NR3C2: variants seen among roughly 807,000 people sequenced by gnomAD.
NR3C2 encodes nuclear receptor subfamily 3 group C member 2, also known as mineralocorticoid receptor.
In NR3C2, 15 loss-of-function variants were observed where a neutral mutation model predicts 86.4. That is an observed-to-expected ratio of 0.17 (90% CI 0.12 to 0.27). The LOEUF (loss-of-function observed/expected upper bound fraction) is 0.27. NR3C2 is among the 10% of genes least tolerant of loss of function. The probability of loss-of-function intolerance (pLI) is 1.00; values close to 1 mark genes in which losing one functional copy is unlikely to be tolerated. For synonymous variants in NR3C2, 458 were observed against 450.5 expected, an observed-to-expected ratio of 1.02 and a Z score of -0.21; for missense variants, 960 against 1,195.6, an observed-to-expected ratio of 0.80 and a Z score of 2.91.
chr4:148,412,679 T>C (rs1308316312), intron 2 of NR3C2, among the ~76,000 whole-genome samples: 1 of 152,240 alleles, frequency 6.6e-6, no homozygotes, highest in East Asian at 1.9e-4. Flanking sequence ...CAGCACATTC[T>C]AGGCTTACAT....
chr4:148,180,772 T>C (rs1735608312), intron 4 of NR3C2, among the ~76,000 whole-genome samples: 1 of 152,242 alleles, frequency 6.6e-6, no homozygotes, highest in Non-Finnish European at 1.5e-5. Flanking sequence ...TTGTTATAAA[T>C]TTTCATGGCC....
At position 148,094,086 on chromosome 4, in the gene NR3C2, G is replaced by A. The variant is rs143567783; in HGVS notation, c.2800-12587C>T. On this transcript the variant is annotated intron_variant, in intron 8 of 8. Coordinates refer to ENST00000358102, the MANE Select transcript of NR3C2 (RefSeq NM_000901.5). Reference sequence around the variant, plus strand: ...AATGTATCTTTACAAGATACAAGAAGAGATGCTTGACATCTCCAGTCATCA... The same window carrying A: ...AATGTATCTTTACAAGATACAAGAAAAGATGCTTGACATCTCCAGTCATCA... Among the ~76,000 whole-genome samples the A allele has an allele frequency of 1.4e-4, 22 of 152,216 alleles. No individual in the cohort carries two copies. The East Asian group carries it at 4.2e-3, about 29-fold the overall frequency.
At chr4:148,363,502 A>ATTTTTTTTTTTTTTTTTTTT (rs1414328296) in intron 2 of NR3C2, among the ~76,000 whole-genome samples, 2 of 16,222 alleles carry the variant, frequency 1.2e-4, no homozygotes, top group Non-Finnish European at 2.6e-4. Context: ...CTTCTCATAG[A>ATTTTTTTTTTTTTTTTTTTT]TCTCTTTTTT....
At chr4:148,307,865 C>T (rs1278558747) in intron 2 of NR3C2, among the ~76,000 whole-genome samples, 1 of 149,832 alleles carries the variant, frequency 6.7e-6, no homozygotes. Context: ...CAAAACAAAA[C>T]AAAAAAAGGG....
chr4:148,175,602 A>AAT, intron 4 of NR3C2, among the ~76,000 whole-genome samples: 1 of 152,334 alleles, frequency 6.6e-6, no homozygotes, highest in South Asian at 2.1e-4. Context: ...TTGCTTTAAA[A>AAT]ATATATATTT....
At chr4:148,407,536 T>C (rs1748481734) in intron 2 of NR3C2, among the ~76,000 whole-genome samples, 1 of 152,192 alleles carries the variant, frequency 6.6e-6, no homozygotes. Context: ...AATAAAACAG[T>C]GTTAAAGTCT....
chr4:148,091,424 T>C (rs540351434), intron 8 of NR3C2, among the ~76,000 whole-genome samples: 1 of 152,334 alleles, frequency 6.6e-6, no homozygotes, highest in South Asian at 2.1e-4. Flanking sequence ...GGCGCCACAG[T>C]GCAGAGCCCC....
chr4:148,356,518 C>A, intron 2 of NR3C2, among the ~76,000 whole-genome samples: 1 of 152,134 alleles, frequency 6.6e-6, no homozygotes, highest in Non-Finnish European at 1.5e-5. Context: ...TATTAAGCCA[C>A]AATTTTCTAC....
chr4:148,358,635 T>A (rs1394485614), intron 2 of NR3C2, among the ~76,000 whole-genome samples: 6 of 150,698 alleles, frequency 4.0e-5, no homozygotes, highest in East Asian at 2.0e-4. Flanking sequence ...AAATAAAAAA[T>A]AAAAAAAAAA....
chr4:148,106,724 TC>T (rs1731816896), intron 8 of NR3C2, among the ~76,000 whole-genome samples: 1 of 151,878 alleles, frequency 6.6e-6, no homozygotes, highest in African/African-American at 2.4e-5. Context: ...TCTACAACCA[TC>T]TTTTGACCAA....
At chr4:148,113,515 GA>G (rs57815759) in intron 8 of NR3C2, among the ~76,000 whole-genome samples, 152 of 145,516 alleles carry the variant, frequency 1.0e-3, no homozygotes, top group Middle Eastern at 7.1e-3. Flanking sequence ...AAGGTTATTT[GA>G]AAAAAAAAAA....
chr4:148,354,247 T>C (rs139426079), intron 2 of NR3C2, among the ~76,000 whole-genome samples: 3 of 152,264 alleles, frequency 2.0e-5, no homozygotes, highest in African/African-American at 7.2e-5. Context: ...ATGATTTTCT[T>C]AATAACATTT....
rs1359440209 is a variant in NR3C2 at position 148,108,130 on chromosome 4, GTATTGC to G, written c.2799+5968_2799+5973del. On this transcript the variant is annotated intron_variant, in intron 8 of 8. Transcript: ENST00000358102. ...TTTTTGTTTTTTTTATTTGAGACAG[GTATTGC>G]TCTGTCATCCAGGCTGGAGTGCAGT... Among the ~76,000 whole-genome samples, 5 of 152,154 alleles carry G rather than the reference GTATTGC, an allele frequency of 3.3e-5. No individual in the cohort carries two copies. In the East Asian group the frequency reaches 9.6e-4, roughly 29 times the overall value.
chr4:148,185,273 A>C (rs1735839518), intron 4 of NR3C2, among the ~76,000 whole-genome samples: 1 of 152,224 alleles, frequency 6.6e-6, no homozygotes, highest in Non-Finnish European at 1.5e-5. Flanking sequence ...TCCCACCCAC[A>C]CAGTCTAGTT....
At chr4:148,174,583 G>A (rs1239383406) in intron 4 of NR3C2, among the ~76,000 whole-genome samples, 1 of 152,236 alleles carries the variant, frequency 6.6e-6, no homozygotes, top group African/African-American at 2.4e-5. Context: ...CATGGAGCAT[G>A]TAGGGGGCAA....
rs1373490581 is a variant in NR3C2 at position 148,078,957 on chromosome 4, G to A, written c.*2387C>T. 1.3e-5 allele frequency: 2 copies of A among 152,554 alleles called. No homozygotes were observed. The highest frequency in any genetic ancestry group is 2.9e-5 in the Non-Finnish European group (2 of 68,006). 9.5% of individuals were successfully genotyped at this position (152,554 alleles called of 1,614,324 possible). On this transcript the variant is annotated 3_prime_UTR_variant, in exon 9 of 9. Transcript: ENST00000358102. ...GCAATATGGTACAAAAATAAGAGCA[G>A]ACAGACAATTTGGACTGGGACAGGC... is the stretch of plus-strand genomic sequence containing the variant.
chr4:148,252,991 C>T (rs1436938089), intron 3 of NR3C2, among the ~76,000 whole-genome samples: 1 of 152,046 alleles, frequency 6.6e-6, no homozygotes, highest in Non-Finnish European at 1.5e-5. Flanking sequence ...TGAAGTTGTA[C>T]CTTGATTTAA....
chr4:148,186,293 C>G (rs530636244), intron 4 of NR3C2, among the ~76,000 whole-genome samples: 1 of 152,074 alleles, frequency 6.6e-6, no homozygotes, highest in East Asian at 1.9e-4. Context: ...ATATCCTTTA[C>G]CCATTTTTTT....
At chr4:148,167,181 G>A (rs114913917) in intron 4 of NR3C2, among the ~76,000 whole-genome samples, 333 of 152,288 alleles carry the variant, frequency 2.2e-3, no homozygotes, top group African/African-American at 7.4e-3. Flanking sequence ...GTTAGTGTAA[G>A]GACAAGCCGC....
Sources: gnomAD v4.1 joint callset for allele counts (sites outside exome capture counted in the v4.1 genomes callset) on GRCh38, gnomAD v4.1.1 for gene constraint, MANE v1.5 for transcripts, NCBI Gene and HGNC (gene_info 2026-07-23, HGNC 2026-07-21) for gene names.